The following PCDHGA2 variants were observed in gnomAD, a reference collection of about 807,000 sequenced individuals.
PCDHGA2 encodes protocadherin gamma subfamily A, 2, also known as protocadherin gamma-A2.
Under a neutral mutation model 59.2 loss-of-function variants are expected in PCDHGA2, and 40 were observed. The observed-to-expected ratio is 0.68, with a 90% CI of 0.52 to 0.88. The LOEUF is 0.88. Among genes scored for constraint, PCDHGA2 ranks in the 40% least tolerant of loss-of-function variants. The pLI is 0.00. For synonymous variants in PCDHGA2, 560 were observed against 526.0 expected, an observed-to-expected ratio of 1.06 and a Z score of -0.89; for missense variants, 1,226 against 1,204.0, an observed-to-expected ratio of 1.02 and a Z score of -0.27.
chr5:141,512,712 A>G lies in PCDHGA2; in HGVS notation c.*1539A>G, dbSNP rs1362654237. 1 of 152,806 alleles carries G rather than the reference A, an allele frequency of 6.5e-6. No homozygotes were observed. The highest frequency in any genetic ancestry group is 2.4e-5 in the African/African-American group (1 of 41,414). 9.5% of individuals were successfully genotyped at this position (152,806 alleles called of 1,614,324 possible). On this transcript the variant is annotated 3_prime_UTR_variant, in exon 4 of 4. Coordinates refer to ENST00000394576, the MANE Select transcript of PCDHGA2 (RefSeq NM_018915.4). Reference sequence around the variant, plus strand: ...GTGTAGTGCGGTGTGCTTTTACGTGATGGCGGGTGGGCAGCGGGCGGCGGG... The same window carrying G: ...GTGTAGTGCGGTGTGCTTTTACGTGGTGGCGGGTGGGCAGCGGGCGGCGGG...
Position 141,432,880 on chromosome 5 carries a change from C to T in PCDHGA2, c.2425-61927C>T, listed in dbSNP as rs865848752. ...CGGTCTCCTGCGTCTTCCTGGCCTT[C>T]GTCATCTTGCTGCTGGCGCTCAGGC... On this transcript the variant is annotated intron_variant, in intron 1 of 3. Transcript: ENST00000394576. The surrounding 1 kb of genome is among the most constrained non-coding windows in gnomAD (Gnocchi z 6.0). 1 of 1,614,194 alleles carries T rather than the reference C, an allele frequency of 6.2e-7. No individual in the cohort carries two copies. Among genetic ancestry groups the T allele is most frequent in the Non-Finnish European group, 8.5e-7 (1 of 1,180,008 alleles).
At chr5:141,394,883 ACT>A (rs1415060925) in intron 1 of PCDHGA2, 4 of 1,611,604 alleles carry the variant, frequency 2.5e-6, no homozygotes, top group Admixed American at 1.7e-5. Context: ...CGAGCCTTAC[ACT>A]CTATCTCGTG....
intron 1 of PCDHGA2, chr5:141,421,455 C>G (rs762490406): frequency 6.2e-6 from 10 of 1,614,108 alleles, no homozygotes; most frequent in South Asian, 1.1e-5. Flanking sequence ...CACAGCTTTT[C>G]GCTGTGAATC....
chr5:141,344,770 A>G (rs1199721120), intron 1 of PCDHGA2: 2 of 1,613,984 alleles, frequency 1.2e-6, no homozygotes, highest in East Asian at 2.2e-5. Context: ...ACTCAGCCTG[A>G]GTACCGTGTG....
At chr5:141,344,144 G>A (rs774920004) in intron 1 of PCDHGA2, 1 of 1,614,052 alleles carries the variant, frequency 6.2e-7, no homozygotes, top group Non-Finnish European at 8.5e-7. Flanking sequence ...CGGTGTCTGA[G>A]GAGCTAGATA....
intron 1 of PCDHGA2, chr5:141,388,782 A>C (rs1589071559): frequency 6.2e-7 from 1 of 1,613,784 alleles, no homozygotes; most frequent in South Asian, 1.1e-5. Flanking sequence ...CGGGGAAATT[A>C]CTGTTTTAAA....
At chr5:141,459,302 A>T (rs1401348885) in intron 1 of PCDHGA2, among the ~76,000 whole-genome samples, 1 of 152,210 alleles carries the variant, frequency 6.6e-6, no homozygotes, top group African/African-American at 2.4e-5. Flanking sequence ...CCTATAACAT[A>T]TACTATTTTG....
intron 1 of PCDHGA2, chr5:141,427,090 A>G: frequency 2.2e-6 from 1 of 458,214 alleles, no homozygotes; most frequent in East Asian, 6.9e-5. Context: ...GACCAGGATG[A>G]GGGTGTCAAT....
In PCDHGA2 at chr5:141,356,579, A is replaced by G. The variant is rs115115119; in HGVS notation, c.2424+15184A>G. 2,835 of 1,614,150 alleles carry G rather than the reference A, an allele frequency of 1.8e-3. 35 individuals carry two copies. The African/African-American group carries it at 0.03, about 17-fold the overall frequency. Reference sequence around the variant, plus strand: ...TTCCCTCATGCTTCCTACTCTGCTTACATTCCTGAAAACAACCCCAGAGGA... The same window carrying G: ...TTCCCTCATGCTTCCTACTCTGCTTGCATTCCTGAAAACAACCCCAGAGGA... On this transcript the variant is annotated intron_variant, in intron 1 of 3. Coordinates refer to ENST00000394576, the MANE Select transcript of PCDHGA2 (RefSeq NM_018915.4).
At position 141,414,416 on chromosome 5, in the gene PCDHGA2, T is replaced by C. The variant is rs550804810; in HGVS notation, c.2424+73021T>C. The C allele has an allele frequency of 2.2e-5, 35 of 1,613,902 alleles. No homozygotes were observed. In the South Asian group the frequency reaches 3.5e-4, roughly 16 times the overall value. On this transcript the variant is annotated intron_variant, in intron 1 of 3. Coordinates refer to ENST00000394576, the MANE Select transcript of PCDHGA2 (RefSeq NM_018915.4). ...TACAGATTGGTGATACACAGAGCCCTTGACAGGGAACAGGTATCCTCTTAC... is the reference window on the plus strand; with the variant it reads ...TACAGATTGGTGATACACAGAGCCCCTGACAGGGAACAGGTATCCTCTTAC...
At chr5:141,415,392 G>T in intron 1 of PCDHGA2, 1 of 1,614,238 alleles carries the variant, frequency 6.2e-7, no homozygotes, top group Non-Finnish European at 8.5e-7. Context: ...TGACAGGTGT[G>T]TCCGGCTCGC....
intron 1 of PCDHGA2, chr5:141,361,437 C>T: frequency 6.2e-7 from 1 of 1,614,058 alleles, no homozygotes; most frequent in Non-Finnish European, 8.5e-7. Context: ...CCCTCTCCTC[C>T]AGCATAATTG....
chr5:141,418,093 C>A, intron 1 of PCDHGA2: 2 of 1,614,032 alleles, frequency 1.2e-6, no homozygotes, highest in Non-Finnish European at 1.7e-6. Context: ...TCAGCGTAGA[C>A]GCGCAGAGCG....
chr5:141,472,188 G>C (rs779077950), intron 1 of PCDHGA2, among the ~76,000 whole-genome samples: 4 of 152,168 alleles, frequency 2.6e-5, no homozygotes, highest in Middle Eastern at 3.2e-3. Context: ...ATTGGAATTT[G>C]AATCTTTTTG....
chr5:141,361,000 A>C, intron 1 of PCDHGA2: 1 of 1,613,524 alleles, frequency 6.2e-7, no homozygotes, highest in Non-Finnish European at 8.5e-7. Flanking sequence ...CGAACAAGTG[A>C]AACACTTTTT....
At chr5:141,510,132 G>A (rs920772998) in intron 3 of PCDHGA2, among the ~76,000 whole-genome samples, 2 of 152,120 alleles carry the variant, frequency 1.3e-5, no homozygotes, top group African/African-American at 4.8e-5. Context: ...AAATTAGCTG[G>A]GCTAGTGGTG....
chr5:141,476,978 C>A lies in PCDHGA2; in HGVS notation c.2425-17829C>A, dbSNP rs1468851988. The A allele has an allele frequency of 2.5e-6, 4 of 1,614,138 alleles. No individual in the cohort carries two copies. Among genetic ancestry groups the A allele is most frequent in the Admixed American group, 3.3e-5 (2 of 60,012 alleles). On this transcript the variant is annotated intron_variant, in intron 1 of 3. Transcript: ENST00000394576. This position sits in a 1 kb window ranked among gnomAD's most constrained non-coding sequence, Gnocchi z 7.6. ...TATTTACTCCTTCGGCAGCCACAAC[C>A]GCGCCGGCGTGCGGCAACTATTCGC...
chr5:141,345,356 T>A (rs1182631562), intron 1 of PCDHGA2: 1 of 1,614,098 alleles, frequency 6.2e-7, no homozygotes, highest in African/African-American at 1.3e-5. Context: ...TCACCCTGCA[T>A]GTGATTGACA....
In PCDHGA2 at chr5:141,431,187, G is replaced by C. The variant is rs748150837; in HGVS notation, c.2425-63620G>C. On this transcript the variant is annotated intron_variant, in intron 1 of 3. Transcript: ENST00000394576. This position sits in a 1 kb window ranked among gnomAD's most constrained non-coding sequence, Gnocchi z 4.8. ...GAAAGTGAATTAGAAATAAAAATTAGTGAAAATGCAGCCACTGAGATGCGG... is the reference window on the plus strand; with the variant it reads ...GAAAGTGAATTAGAAATAAAAATTACTGAAAATGCAGCCACTGAGATGCGG... 4.3e-6 allele frequency: 7 copies of C among 1,614,102 alleles called. No homozygotes were observed. The Admixed American group carries it at 1.2e-4, about 27-fold the overall frequency.
Sources: gnomAD v4.1 joint callset for allele counts (sites outside exome capture counted in the v4.1 genomes callset) on GRCh38, gnomAD v4.1.1 for gene constraint, Gnocchi (gnomAD v3.1) non-coding constraint, MANE v1.5 for transcripts, NCBI Gene and HGNC (gene_info 2026-07-23, HGNC 2026-07-21) for gene names.